RDX: variants seen among roughly 807,000 people sequenced by gnomAD.
RDX encodes the protein radixin.
RDX carries 32 observed loss-of-function variants against 83.7 expected under a neutral mutation model. That is an observed-to-expected ratio of 0.38 (90% CI 0.29 to 0.51). RDX has a LOEUF of 0.51. RDX is among the 20% of genes least tolerant of loss of function. RDX has a pLI of 0.87. For synonymous variants in RDX, 229 were observed against 222.7 expected (o/e 1.03, Z -0.25); for missense variants, 600 against 689.9 (o/e 0.87, Z 1.46).
chr11:110,195,310 A>G (rs1030001873), intron 15 of RDX, among the ~76,000 whole-genome samples: 18 of 152,146 alleles, frequency 1.2e-4, no homozygotes, highest in Non-Finnish European at 2.5e-4. Flanking sequence ...CTGTCACCCA[A>G]TCCTCTAAGC....
intron 1 of RDX, among the ~76,000 whole-genome samples, chr11:110,291,336 A>G (rs566371434): frequency 5.9e-5 from 9 of 152,104 alleles, no homozygotes; most frequent in South Asian, 2.1e-4. Flanking sequence ...TGACAGAGAG[A>G]AGGAGGGAGA....
downstream of RDX, among the ~76,000 whole-genome samples, chr11:110,224,679 A>G (rs1183957339): frequency 6.6e-6 from 1 of 152,232 alleles, no homozygotes; most frequent in Non-Finnish European, 1.5e-5. Flanking sequence ...AAGTGTCTCA[A>G]AAGAGGTCGG....
chr11:110,186,714 G>C (rs1862995664), intron 15 of RDX, among the ~76,000 whole-genome samples: 1 of 152,042 alleles, frequency 6.6e-6, no homozygotes, highest in East Asian at 1.9e-4. Flanking sequence ...CCAGGCCAAG[G>C]GAGAGCATTT....
At chr11:110,268,251 G>A (rs1258397360) in intron 3 of RDX, among the ~76,000 whole-genome samples, 1 of 150,802 alleles carries the variant, frequency 6.6e-6, no homozygotes, top group Non-Finnish European at 1.5e-5. Context: ...AGGTTGCACT[G>A]CATTGAGCTA....
chr11:110,263,492 A>C (rs17110996), intron 5 of RDX: 2,825 of 155,646 alleles, frequency 0.018, 94 homozygotes, highest in African/African-American at 0.064. Flanking sequence ...AGAGCATATA[A>C]ATCTATGGAG....
At chr11:110,238,225 A>G (rs1200553815) in intron 10 of RDX, among the ~76,000 whole-genome samples, 1 of 152,226 alleles carries the variant, frequency 6.6e-6, no homozygotes, top group Middle Eastern at 3.2e-3. Context: ...GAATTATTGA[A>G]AAATGTGAGT....
rs148385693 is a variant in RDX at position 110,247,160 on chromosome 11, GAAGT to G, written c.1090+539_1090+542del. On this transcript the variant is annotated intron_variant, in intron 10 of 13. Coordinates refer to ENST00000645495, the MANE Select transcript of RDX (RefSeq NM_002906.4). ...AGCACTTTGGTTATATATTGCCTAA[GAAGT>G]AAGTTCTTCCAAACACATTACCAAA... Among the ~76,000 whole-genome samples, 352 of 152,062 alleles carry G rather than the reference GAAGT, an allele frequency of 2.3e-3. 2 individuals are homozygous for G. In the East Asian group the frequency reaches 0.025, roughly 11 times the overall value.
chr11:110,181,408 C>T lies in RDX; in HGVS notation c.*32-6174G>A, dbSNP rs992678122. 1.9e-4 allele frequency among the ~76,000 whole-genome samples: 29 copies of T among 152,226 alleles called. 1 individual carries two copies. The highest frequency in any genetic ancestry group is 6.8e-3 in the Middle Eastern group (2 of 294). Reference sequence around the variant, plus strand: ...TGATCTCCTGACCTCATGATCTGCCCGCCTCGGCCTCCCAGAGTGCTGGGA... The same window carrying T: ...TGATCTCCTGACCTCATGATCTGCCTGCCTCGGCCTCCCAGAGTGCTGGGA... On this transcript the variant is annotated intron_variant, in intron 15 of 15. Transcript: ENST00000528498.
rs145032462 is a variant in RDX, at chr11:110,264,318, G to T, written c.193-84C>A. The T allele has an allele frequency of 5.4e-6, 5 of 932,676 alleles. No homozygotes were observed. In the East Asian group the frequency reaches 1.0e-4, roughly 19 times the overall value. The allele number at this position is 932,676 out of a possible 1,614,324, so 57.8% of individuals were successfully genotyped here. ...TAGTCACATCAAATTCTTTTTGGAA[G>T]AAAATGAAGTGAAATAGATTCTAAA... On this transcript the variant is annotated intron_variant, in intron 4 of 13. Transcript: ENST00000645495.
In RDX at chr11:110,255,294, C is replaced by A. The variant is rs201031650; in HGVS notation, c.790G>T (p.Ala264Ser). 8.5e-6 allele frequency: 13 copies of A among 1,521,412 alleles called. No individual in the cohort carries two copies. Among genetic ancestry groups the A allele is most frequent in the Admixed American group, 1.7e-5 (1 of 59,670 alleles). 94.2% of individuals were successfully genotyped at this position (1,521,412 alleles called of 1,614,324 possible). Residue 264 changes from alanine to serine, a missense_variant, in exon 8 of 14, where the codon GCA becomes TCA. By Grantham distance (99) the Ala-to-Ser change is moderately conservative (BLOSUM62 1). Coordinates refer to ENST00000645495, the MANE Select transcript of RDX (RefSeq NM_002906.4). ...KFVIKPIDKK[A>S]PDFVFYAPRL... ...ATATTAAAGAAATTACTTACAGGTG[C>A]CTTTTTGTCGATTGGCTTTATAACA...
intron 14 of RDX, among the ~76,000 whole-genome samples, chr11:110,204,676 C>A (rs1241070503): frequency 6.6e-6 from 1 of 152,000 alleles, no homozygotes; most frequent in Non-Finnish European, 1.5e-5. Flanking sequence ...GCCACCATGC[C>A]CGGTTAATTT....
Position 110,193,395 on chromosome 11 carries a change from T to C in RDX, c.*31+6186A>G, listed in dbSNP as rs531235853. 2.0e-5 allele frequency among the ~76,000 whole-genome samples: 3 copies of C among 151,710 alleles called. No individual in the cohort carries two copies. The East Asian group carries it at 5.8e-4, about 29-fold the overall frequency. The stretch of plus-strand genomic sequence containing the variant: ...CGGGAGAGAGGGTTGGGGGCAGGGG[T>C]TGAAAAACCACCCATTGGGTAGTAT... On this transcript the variant is annotated intron_variant, in intron 15 of 15. Coordinates refer to the RDX transcript ENST00000528498.
At chr11:110,246,373 G>A (rs1859105438) in intron 10 of RDX, among the ~76,000 whole-genome samples, 2 of 152,162 alleles carry the variant, frequency 1.3e-5, no homozygotes, top group Non-Finnish European at 2.9e-5. Context: ...GCTGGTGTAA[G>A]AAATCAAAAT....
intron 15 of RDX, among the ~76,000 whole-genome samples, chr11:110,198,055 C>A (rs180973965): frequency 6.6e-6 from 1 of 152,174 alleles, no homozygotes; most frequent in South Asian, 2.1e-4. Context: ...TAAATGAACA[C>A]ATGTGACCAT....
intron 14 of RDX, among the ~76,000 whole-genome samples, chr11:110,207,948 G>A (rs1468295424): frequency 6.6e-6 from 1 of 150,974 alleles, no homozygotes; most frequent in African/African-American, 2.4e-5. Context: ...TTACACACAG[G>A]CAAAAATCTA....
intron 2 of RDX, 90 bp downstream of exon 2, chr11:110,279,591 A>T: frequency 1.1e-6 from 1 of 884,250 alleles, no homozygotes; most frequent in Non-Finnish European, 1.9e-6. Flanking sequence ...TTCTTCCAAC[A>T]ACTCTACCAA....
At chr11:110,255,444 T>C in intron 7 of RDX, 59 bp from the exon 8 acceptor site, 2 of 906,960 alleles carry the variant, frequency 2.2e-6, no homozygotes, top group South Asian at 2.7e-5. Flanking sequence ...AAAATTCCTG[T>C]TTAGGACCTA....
intron 14 of RDX, among the ~76,000 whole-genome samples, chr11:110,222,898 A>G (rs1031846877): frequency 1.3e-5 from 2 of 152,224 alleles, no homozygotes; most frequent in African/African-American, 2.4e-5. Context: ...TTTCTTGAAA[A>G]ATGACAAGCA....
Position 110,231,329 on chromosome 11 carries a change from C to T in RDX, c.*540G>A. 6.3e-6 allele frequency: 1 copy of T among 158,260 alleles called. No individual in the cohort carries two copies. Among genetic ancestry groups the T allele is most frequent in the Non-Finnish European group, 1.4e-5 (1 of 71,798 alleles). 9.8% of individuals were successfully genotyped at this position (158,260 alleles called of 1,614,324 possible). A position where few individuals can be genotyped will look rare whatever the true frequency, so the allele number is the denominator to read the frequency against. On this transcript the variant is annotated 3_prime_UTR_variant, in exon 14 of 14. Coordinates refer to ENST00000645495, the MANE Select transcript of RDX (RefSeq NM_002906.4). ...TTTCCTGATTCATAGCCATATTCTACATGATGATCAAAGACTGTCCACTGT... is the reference window on the plus strand; with the variant it reads ...TTTCCTGATTCATAGCCATATTCTATATGATGATCAAAGACTGTCCACTGT...
Sources: allele counts gnomAD v4.1 joint callset (sites outside exome capture counted in the v4.1 genomes callset), GRCh38; gene constraint gnomAD v4.1.1; transcripts MANE v1.5; gene names NCBI Gene and HGNC (gene_info 2026-07-23, HGNC 2026-07-21).